L2HGDH: variants seen among roughly 807,000 people sequenced by gnomAD.
L2HGDH encodes L-2-hydroxyglutarate dehydrogenase.
A neutral mutation model predicts 51.5 loss-of-function variants in L2HGDH; 34 were observed. The observed-to-expected ratio is 0.66, with a 90% confidence interval of 0.50 to 0.88. L2HGDH has a LOEUF of 0.88. Ranked by LOEUF, L2HGDH falls within the 40% of genes least tolerant of loss-of-function variation. L2HGDH has a pLI of 0.00. For missense variants in L2HGDH, 558 were observed against 571.9 expected (o/e 0.98, Z 0.25); for synonymous variants, 198 against 197.9 (o/e 1.00, Z -0.01).
chr14:50,267,045 G>T (rs913139781), intron 8 of L2HGDH, among the ~76,000 whole-genome samples: 3 of 152,012 alleles, frequency 2.0e-5, no homozygotes, highest in Non-Finnish European at 2.9e-5. Context: ...GATTTTGAGA[G>T]AATCTATTTC....
chr14:50,263,774 C>CTTT (rs11458897), intron 9 of L2HGDH, among the ~76,000 whole-genome samples: 3 of 137,268 alleles, frequency 2.2e-5, no homozygotes, highest in South Asian at 2.3e-4. Context: ...AGCCTTTTAT[C>CTTT]TTTTTTTTTT....
intron 6 of L2HGDH, among the ~76,000 whole-genome samples, chr14:50,270,950 A>T (rs1026661984): frequency 6.6e-6 from 1 of 152,178 alleles, no homozygotes; most frequent in African/African-American, 2.4e-5. Context: ...ACTTCTCCAT[A>T]ATGAATTCAA....
At chr14:50,247,387 G>A in intron 9 of L2HGDH, 134 bp from the exon 10 acceptor site, 1 of 1,409,006 alleles carries the variant, frequency 7.1e-7, no homozygotes, top group Non-Finnish European at 9.5e-7. Context: ...ATGAGTTTAT[G>A]TTTAACCAAA....
chr14:50,260,793 G>C (rs1426578000), intron 9 of L2HGDH, among the ~76,000 whole-genome samples: 2 of 152,154 alleles, frequency 1.3e-5, no homozygotes, highest in Admixed American at 6.5e-5. Flanking sequence ...ACAATTAGGA[G>C]AATGAGTAGA....
intron 1 of L2HGDH, among the ~76,000 whole-genome samples, chr14:50,303,810 T>TAAAA (rs5808550): frequency 2.6e-5 from 3 of 113,996 alleles, no homozygotes; most frequent in African/African-American, 3.4e-5. Flanking sequence ...TTAGACGCAT[T>TAAAA]AAAAAAAAAA....
In L2HGDH at chr14:50,278,108, T is replaced by A. The variant is rs905380642; in HGVS notation, c.738+412A>T. Among the ~76,000 whole-genome samples the A allele has an allele frequency of 3.9e-5, 6 of 152,222 alleles. No individual in the cohort carries two copies. The East Asian group carries it at 1.2e-3, about 29-fold the overall frequency. ...GAACCTACAGGGAATCCACTGCTTC[T>A]ATGCCATTCAGTGGTTCTTGCTTTA... On this transcript the variant is annotated intron_variant, in intron 6 of 9. Transcript: ENST00000267436.
At chr14:50,292,623 T>C (rs537499398) in intron 4 of L2HGDH, among the ~76,000 whole-genome samples, 8 of 152,252 alleles carry the variant, frequency 5.3e-5, no homozygotes, top group Admixed American at 1.3e-4. Flanking sequence ...GGAGAATCAC[T>C]TGAACCCGGG....
intron 4 of L2HGDH, among the ~76,000 whole-genome samples, chr14:50,290,004 G>A (rs1252069760): frequency 2.0e-5 from 3 of 152,130 alleles, no homozygotes; most frequent in East Asian, 1.9e-4. Context: ...AGTGGCTCAC[G>A]CCTGTAATCC....
At chr14:50,299,635 G>C (rs2030286382) in intron 3 of L2HGDH, among the ~76,000 whole-genome samples, 1 of 152,032 alleles carries the variant, frequency 6.6e-6, no homozygotes, top group African/African-American at 2.4e-5. Flanking sequence ...TGACCAAGTG[G>C]GATTTAACCC....
rs35064677 is a variant in L2HGDH, at chr14:50,243,663, T to TTA, written c.*3393_*3394dup. On this transcript the variant is annotated 3_prime_UTR_variant, in exon 10 of 10. Coordinates refer to ENST00000267436, the MANE Select transcript of L2HGDH (RefSeq NM_024884.3). ...TTTCATTTTTATTTTTCAGGGTATT[T>TTA]TATATATATATATATATATATATTG... is the stretch of plus-strand genomic sequence containing the variant. The TTA allele has an allele frequency of 3.7e-3, 651 of 176,266 alleles. 3 individuals carry two copies. The highest frequency in any genetic ancestry group is 0.014 in the South Asian group (75 of 5,282). 10.9% of individuals were successfully genotyped at this position (176,266 alleles called of 1,614,324 possible). A position where few individuals can be genotyped will look rare whatever the true frequency, so the allele number is the denominator to read the frequency against.
intron 5 of L2HGDH, among the ~76,000 whole-genome samples, chr14:50,282,904 C>T (rs1890352591): frequency 6.6e-6 from 1 of 151,582 alleles, no homozygotes; most frequent in African/African-American, 2.4e-5. Context: ...GGGACGGGCA[C>T]GGTGGCTCAC....
chr14:50,284,031 A>C lies in L2HGDH; in HGVS notation c.543T>G (p.Gly181=). 1 of 1,613,014 alleles carries C rather than the reference A, an allele frequency of 6.2e-7. No homozygotes were observed. Among genetic ancestry groups the C allele is most frequent in the Non-Finnish European group, 8.5e-7 (1 of 1,179,056 alleles). ...TATGTGGACAATCAATAGCCATTAG[A>C]CCCTGAAACAGAATTATGAAAAGAT... ...DIKKKEPYCR[G]LMAIDCPHTG... Residue 181 remains glycine (G), a splice_region_variant and synonymous_variant, in exon 5 of 10, where the codon GGT becomes GGG. Transcript: ENST00000267436.
In L2HGDH at chr14:50,312,184, A is replaced by C; in HGVS notation, c.-34T>G. The stretch of plus-strand genomic sequence containing the variant: ...CACGCTCCCCTCCCTCAGCGCTCAG[A>C]AGAAGCCACTTGACCCTCCACGGCC... On this transcript the variant is annotated 5_prime_UTR_variant, in exon 1 of 10. Coordinates refer to ENST00000267436, the MANE Select transcript of L2HGDH (RefSeq NM_024884.3). 6.2e-7 allele frequency: 1 copy of C among 1,606,210 alleles called. No individual in the cohort carries two copies. Among genetic ancestry groups the C allele is most frequent in the Non-Finnish European group, 8.5e-7 (1 of 1,178,474 alleles).
At chr14:50,254,939 G>C (rs542492759) in intron 9 of L2HGDH, among the ~76,000 whole-genome samples, 1 of 151,950 alleles carries the variant, frequency 6.6e-6, no homozygotes, top group Non-Finnish European at 1.5e-5. Flanking sequence ...CCAGCTACTT[G>C]GAAGGCAGAG....
In L2HGDH at chr14:50,293,138, C is replaced by T. The variant is rs998623634; in HGVS notation, c.540+977G>A. The stretch of plus-strand genomic sequence containing the variant: ...AAAAAAAATGGCTATTATAATTAAA[C>T]ATTATGGTAGTAGCACAGAAGAGGC... On this transcript the variant is annotated intron_variant, in intron 4 of 9. Coordinates refer to ENST00000267436, the MANE Select transcript of L2HGDH (RefSeq NM_024884.3). 6 of 674,890 alleles carry T rather than the reference C, an allele frequency of 8.9e-6. No homozygotes were observed. The African/African-American group carries it at 1.1e-4, about 12-fold the overall frequency. 41.8% of individuals were successfully genotyped at this position (674,890 alleles called of 1,614,324 possible).
At chr14:50,305,267 A>G (rs1462580551) in intron 1 of L2HGDH, among the ~76,000 whole-genome samples, 1 of 152,204 alleles carries the variant, frequency 6.6e-6, no homozygotes, top group Non-Finnish European at 1.5e-5. Context: ...TTTAGATTGG[A>G]TAAAATGGTT....
At position 50,283,891 on chromosome 14, in the gene L2HGDH, C is replaced by G. The variant is rs561638861; in HGVS notation, c.683G>C (p.Ser228Thr). 6.2e-7 allele frequency: 1 copy of G among 1,613,964 alleles called. No individual in the cohort carries two copies. Among genetic ancestry groups the G allele is most frequent in the Non-Finnish European group, 8.5e-7 (1 of 1,179,938 alleles). Reference sequence around the variant, plus strand: ...CTTACCATCTATACTTCTTGAAGGACTTTCTTTAGCCATTTCAATACCTTT... The same window carrying G: ...CTTACCATCTATACTTCTTGAAGGAGTTTCTTTAGCCATTTCAATACCTTT... ...EVKGIEMAKE[S>T]PSRSIDGMQY... Residue 228 changes from serine (S) to threonine (T), a missense_variant, in exon 5 of 10, where the codon AGT becomes ACT. Coordinates refer to ENST00000267436, the MANE Select transcript of L2HGDH (RefSeq NM_024884.3).
intron 5 of L2HGDH, among the ~76,000 whole-genome samples, chr14:50,281,408 C>A (rs7149462): frequency 0.014 from 2,059 of 151,940 alleles, 49 homozygotes; most frequent in African/African-American, 0.048. Context: ...GCCTGGCCAA[C>A]ACGGTGAAAC....
At chr14:50,310,874 CAG>C (rs1025889581) in intron 1 of L2HGDH, among the ~76,000 whole-genome samples, 12 of 151,834 alleles carry the variant, frequency 7.9e-5, no homozygotes, top group Non-Finnish European at 1.5e-4. Flanking sequence ...ACGCAGCAGC[CAG>C]AGTCAACTTT....
Sources: allele counts gnomAD v4.1 joint callset (sites outside exome capture counted in the v4.1 genomes callset), GRCh38; gene constraint gnomAD v4.1.1; transcripts MANE v1.5; gene names NCBI Gene and HGNC (gene_info 2026-07-23, HGNC 2026-07-21).